Variants in EVC2 observed in about 807,000 individuals in gnomAD.
The protein encoded by EVC2 is EvC ciliary complex subunit 2.
A neutral mutation model predicts 149.3 loss-of-function variants in EVC2; 148 were observed. The ratio of observed to expected loss-of-function variants is 0.99; its 90% CI spans 0.87 to 1.14. The LOEUF is 1.14. Among genes scored for constraint, EVC2 ranks in the 50% most tolerant of loss-of-function variants. The probability of loss-of-function intolerance (pLI) is 0.00; values close to 1 mark genes in which losing one functional copy is unlikely to be tolerated. For synonymous variants in EVC2, 776 were observed against 649.9 expected (o/e 1.19, Z -2.95); for missense variants, 1,854 against 1,627.3 (o/e 1.14, Z -2.40).
chr4:5,606,619 A>G, intron 16 of EVC2, among the ~76,000 whole-genome samples: 1 of 152,178 alleles, frequency 6.6e-6, no homozygotes, highest in East Asian at 1.9e-4. Context: ...CATCCAATCT[A>G]AAATTACCAA....
intron 16 of EVC2, among the ~76,000 whole-genome samples, chr4:5,587,937 C>T (rs888899350): frequency 6.6e-6 from 1 of 152,074 alleles, no homozygotes; most frequent in Non-Finnish European, 1.5e-5. Context: ...TCATTTCTGC[C>T]TTTTAGTTTT....
At chr4:5,540,813 T>C (rs944193332), downstream of EVC2, among the ~76,000 whole-genome samples, 1 of 152,248 alleles carries the variant, frequency 6.6e-6, no homozygotes, top group Non-Finnish European at 1.5e-5. Context: ...CGATTTATTA[T>C]ATATGAATTA....
At position 5,574,780 on chromosome 4, in the gene EVC2, G is replaced by A. The variant is rs756556239; in HGVS notation, c.3273-8C>T. 18 of 1,613,742 alleles carry A rather than the reference G, an allele frequency of 1.1e-5. No homozygotes were observed. Among genetic ancestry groups the A allele is most frequent in the Middle Eastern group, 1.6e-4 (1 of 6,080 alleles). On this transcript the variant is annotated splice_region_variant and splice_polypyrimidine_tract_variant and intron_variant, in intron 18 of 21. Coordinates refer to ENST00000344408, the MANE Select transcript of EVC2 (RefSeq NM_147127.5). ...TGTTGTTCCTCTCTCAAACTGGAGT[G>A]AAAATAAAATATACGTAAGTTCAGT...
chr4:5,697,746 C>CTTTTTTTT, intron 1 of EVC2, 99 bp from the exon 2 acceptor site: 1 of 814,014 alleles, frequency 1.2e-6, no homozygotes, highest in Non-Finnish European at 1.9e-6. Flanking sequence ...AGGACATGCA[C>CTTTTTTTT]TTTTTTTTTT....
At position 5,692,993 on chromosome 4, in the gene EVC2, C is replaced by T. The variant is rs141870579; in HGVS notation, c.450+1342G>A. Among the ~76,000 whole-genome samples the T allele has an allele frequency of 4.3e-3, 654 of 152,252 alleles. 8 individuals carry two copies. The highest frequency in any genetic ancestry group is 0.015 in the African/African-American group (627 of 41,540). ...CCTCTGATTCAGTTGAGCTTCCATC[C>T]ACTACACCCCCGCTAATGCCTTTTT... On this transcript the variant is annotated intron_variant, in intron 3 of 21. Transcript: ENST00000344408.
In EVC2 at chr4:5,642,048, T is replaced by C. The variant is rs1299370371; in HGVS notation, c.1146-1210A>G. Reference sequence around the variant, plus strand: ...AGTGAGAACATGCAGTGTTTGGTTTTCTGTTCCTGTGTTAGTTTGCTAAGA... The same window carrying C: ...AGTGAGAACATGCAGTGTTTGGTTTCCTGTTCCTGTGTTAGTTTGCTAAGA... On this transcript the variant is annotated intron_variant, in intron 9 of 21. Transcript: ENST00000344408. 6.4e-5 allele frequency among the ~76,000 whole-genome samples: 8 copies of C among 124,200 alleles called. No homozygotes were observed. The East Asian group carries it at 1.9e-3, about 29-fold the overall frequency. The allele number at this position is 124,200 out of a possible 152,430, so 81.5% of individuals were successfully genotyped here. A position where few individuals can be genotyped will look rare whatever the true frequency, so the allele number is the denominator to read the frequency against.
In EVC2 at chr4:5,613,126, G is replaced by C. The variant is rs1714981301; in HGVS notation, c.2829+2296C>G. Among the ~76,000 whole-genome samples, 1 of 151,964 alleles carries C rather than the reference G, an allele frequency of 6.6e-6. No individual in the cohort carries two copies. The highest frequency in any genetic ancestry group is 1.5e-5 in the Non-Finnish European group (1 of 67,992). ...ACTCAGACATTCATCCTGTGACTCT[G>C]CTCCAAGGGTGCTGGTGAGATGGCC... On this transcript the variant is annotated intron_variant, in intron 16 of 21. Transcript: ENST00000344408. The surrounding 1 kb of genome is among the most constrained non-coding windows in gnomAD (Gnocchi z 4.6).
rs1025523846 is a variant in EVC2, at chr4:5,686,718, G to A, written c.707-1239C>T. Among the ~76,000 whole-genome samples, 2 of 151,936 alleles carry A rather than the reference G, an allele frequency of 1.3e-5. No homozygotes were observed. Among genetic ancestry groups the A allele is most frequent in the African/African-American group, 2.4e-5 (1 of 41,332 alleles). The stretch of plus-strand genomic sequence containing the variant: ...GAAAAGCACCAAATAATAATGATGA[G>A]GTCAGAATGTCAATGAACTGGGACC... On this transcript the variant is annotated intron_variant, in intron 5 of 21. Transcript: ENST00000344408. The surrounding 1 kb of genome is among the most constrained non-coding windows in gnomAD (Gnocchi z 5.4).
At chr4:5,539,617 T>C (rs1721476385), downstream of EVC2, among the ~76,000 whole-genome samples, 2 of 152,208 alleles carry the variant, frequency 1.3e-5, no homozygotes, top group South Asian at 2.1e-4. Context: ...AAGAGAGATA[T>C]ATAAATACAC....
chr4:5,685,273 G>A (rs1720618558), intron 6 of EVC2, 97 bp downstream of exon 6: 2 of 1,181,022 alleles, frequency 1.7e-6, no homozygotes, highest in Non-Finnish European at 1.3e-6. Flanking sequence ...CTGAAGGAAG[G>A]AAGGAACTAA....
chr4:5,617,172 A>G (rs959715100), intron 15 of EVC2, among the ~76,000 whole-genome samples: 5 of 152,144 alleles, frequency 3.3e-5, no homozygotes, highest in Admixed American at 3.3e-4. Context: ...TTCAGAAAGG[A>G]TATGTCTGAG....
At chr4:5,531,436 C>T in the EVC2 span, among the ~76,000 whole-genome samples, 46 of 152,278 alleles carry the variant, frequency 3.0e-4, 1 homozygote, top group Non-Finnish European at 4.7e-4. Flanking sequence ...CGGCCTATGG[C>T]CTGTTAGGAA....
At chr4:5,545,606 GGGAATTTGGCA>G (rs1361554793) in intron 21 of EVC2, among the ~76,000 whole-genome samples, 2 of 152,160 alleles carry the variant, frequency 1.3e-5, no homozygotes, top group East Asian at 1.9e-4. Flanking sequence ...CTGGCCACAT[GGGAATTTGGCA>G]GAGACGAGTT....
intron 10 of EVC2, among the ~76,000 whole-genome samples, chr4:5,638,262 G>A (rs750820661): frequency 5.9e-5 from 9 of 152,130 alleles, no homozygotes; most frequent in South Asian, 2.1e-4. Flanking sequence ...GGTGGCAAGC[G>A]CCTGTAATCC....
At chr4:5,605,994 T>C (rs7682408) in intron 16 of EVC2, among the ~76,000 whole-genome samples, 14,427 of 152,212 alleles carry the variant, frequency 0.095, 1,310 homozygotes, top group African/African-American at 0.24. Flanking sequence ...CAGGCTGACA[T>C]GCAGAAGGAA....
At chr4:5,590,270 A>C (rs1712666337) in intron 16 of EVC2, among the ~76,000 whole-genome samples, 1 of 152,198 alleles carries the variant, frequency 6.6e-6, no homozygotes, top group Non-Finnish European at 1.5e-5. Flanking sequence ...GATGTCCCTG[A>C]ACAGGAAAAA....
At chr4:5,606,875 G>A (rs1577149228) in intron 16 of EVC2, among the ~76,000 whole-genome samples, 2 of 152,292 alleles carry the variant, frequency 1.3e-5, no homozygotes, top group South Asian at 2.1e-4. Flanking sequence ...CTTGAATGAT[G>A]AGTACGTTAA....
At chr4:5,647,971 C>T (rs926232517) in intron 9 of EVC2, among the ~76,000 whole-genome samples, 6 of 152,102 alleles carry the variant, frequency 3.9e-5, no homozygotes. Flanking sequence ...AGGCAGCAGC[C>T]TCAAGAAGCC....
rs1436165628 is a variant in EVC2 at position 5,640,868 on chromosome 4, A to G, written c.1146-30T>C. 6.2e-7 allele frequency: 1 copy of G among 1,612,982 alleles called. No individual in the cohort carries two copies. The highest frequency in any genetic ancestry group is 1.7e-5 in the Admixed American group (1 of 60,026). On this transcript the variant is annotated intron_variant, in intron 9 of 21. Coordinates refer to ENST00000344408, the MANE Select transcript of EVC2 (RefSeq NM_147127.5). The surrounding 1 kb of genome is among the most constrained non-coding windows in gnomAD (Gnocchi z 4.6). ...GAAACACAAAAATCAAAAGAATTCC[A>G]TTACATGAAATTGCAACAGAAACCA... is the stretch of plus-strand genomic sequence containing the variant.
Sources: gnomAD v4.1 joint callset for allele counts (sites outside exome capture counted in the v4.1 genomes callset) on GRCh38, gnomAD v4.1.1 for gene constraint, Gnocchi (gnomAD v3.1) non-coding constraint, MANE v1.5 for transcripts, NCBI Gene and HGNC (gene_info 2026-07-23, HGNC 2026-07-21) for gene names.